SLC9B2: variants seen among roughly 807,000 people sequenced by gnomAD.
SLC9B2 encodes the protein solute carrier family 9 member B2.
Under a neutral mutation model 52.2 loss-of-function variants are expected in SLC9B2, and 39 were observed. The ratio of observed to expected loss-of-function variants is 0.75; its 90% CI spans 0.58 to 0.98. The LOEUF (loss-of-function observed/expected upper bound fraction) is 0.98. Among genes scored for constraint, SLC9B2 ranks in the 50% least tolerant of loss-of-function variants. The probability of loss-of-function intolerance (pLI) is 0.00; values close to 1 mark genes in which losing one functional copy is unlikely to be tolerated. For missense variants in SLC9B2, 626 were observed against 637.5 expected (o/e 0.98, Z 0.19); for synonymous variants, 214 against 227.0 (o/e 0.94, Z 0.51).
Position 103,034,114 on chromosome 4 carries a change from A to G in SLC9B2, c.1147-2306T>C, listed in dbSNP as rs184876747. 3.8e-3 allele frequency among the ~76,000 whole-genome samples: 579 copies of G among 152,248 alleles called. 10 individuals carry two copies. The highest frequency in any genetic ancestry group is 2.4e-3 in the Non-Finnish European group (164 of 68,006). ...TACTAGTACAAAAACAGACACATAG[A>G]CAAATAGAACAGGTTAGATAATCCA... On this transcript the variant is annotated intron_variant, in intron 9 of 11. Coordinates refer to ENST00000394785, the MANE Select transcript of SLC9B2 (RefSeq NM_178833.7).
chr4:103,074,093 A>T (rs188413698), intron 1 of SLC9B2, among the ~76,000 whole-genome samples: 2 of 152,154 alleles, frequency 1.3e-5, no homozygotes, highest in Non-Finnish European at 2.9e-5. Context: ...AGAGGAGGAA[A>T]ATCCTCTCCT....
intron 4 of SLC9B2, among the ~76,000 whole-genome samples, chr4:103,052,990 C>T (rs1218859819): frequency 6.6e-6 from 1 of 152,100 alleles, no homozygotes; most frequent in Non-Finnish European, 1.5e-5. Flanking sequence ...CCTCTAGGGC[C>T]TCCCCTGGTC....
intron 3 of SLC9B2, 149 bp downstream of exon 3, chr4:103,066,178 C>T: frequency 3.4e-6 from 3 of 876,182 alleles, no homozygotes; most frequent in African/African-American, 1.7e-5. Context: ...ATGTGTGGAG[C>T]AGAGCCACCC....
rs771964541 is a variant in SLC9B2, at chr4:103,045,008, A to G, written c.890-12T>C. The G allele has an allele frequency of 3.2e-6, 5 of 1,586,958 alleles. No homozygotes were observed. The highest frequency in any genetic ancestry group is 1.3e-5 in the African/African-American group (1 of 74,252). ...AAAGACAGTAGAGCCTGAAAAATATATTAAAAAAACTTAGAGCTCTAAATC... is the reference window on the plus strand; with the variant it reads ...AAAGACAGTAGAGCCTGAAAAATATGTTAAAAAAACTTAGAGCTCTAAATC... On this transcript the variant is annotated splice_polypyrimidine_tract_variant and intron_variant, in intron 7 of 11. Coordinates refer to ENST00000394785, the MANE Select transcript of SLC9B2 (RefSeq NM_178833.7).
chr4:103,073,163 AAATT>A (rs1205720793), intron 1 of SLC9B2, among the ~76,000 whole-genome samples: 3 of 152,228 alleles, frequency 2.0e-5, no homozygotes, highest in African/African-American at 4.8e-5. Context: ...GATTATTTAT[AAATT>A]AATTAGTTTG....
intron 3 of SLC9B2, among the ~76,000 whole-genome samples, chr4:103,061,906 A>C (rs1230993948): frequency 6.6e-6 from 1 of 152,012 alleles, no homozygotes; most frequent in African/African-American, 2.4e-5. Flanking sequence ...CTTTTTCTAA[A>C]CCCTCACAGA....
intron 10 of SLC9B2, among the ~76,000 whole-genome samples, chr4:103,029,329 T>C (rs753307329): frequency 6.6e-6 from 1 of 152,110 alleles, no homozygotes; most frequent in African/African-American, 2.4e-5. Flanking sequence ...TCATAGACTA[T>C]ACAGTAAGTG....
intron 8 of SLC9B2, among the ~76,000 whole-genome samples, chr4:103,044,432 G>T (rs1276485953): frequency 1.3e-5 from 2 of 152,148 alleles, no homozygotes; most frequent in Non-Finnish European, 2.9e-5. Context: ...GTATGTATTA[G>T]ATATGGGCTC....
chr4:103,077,246 T>A (rs1162773756), upstream of SLC9B2: 1 of 152,222 alleles, frequency 6.6e-6, no homozygotes, highest in East Asian at 1.9e-4. Context: ...AACCATTCAT[T>A]CTTGTCTCTC....
At position 103,026,545 on chromosome 4, in the gene SLC9B2, T is replaced by C; in HGVS notation, c.1439A>G (p.Glu480Gly). ...VALDTARSHGEKQLEDYGMDV... is the reference protein window; with the variant it reads ...VALDTARSHGGKQLEDYGMDV... ...CATTCCATAGTCTTCTAATTGTTTC[T>C]CTCCATGTGACCTTGCTGTGTCCAA... Residue 480 changes from glutamate (E) to glycine (G), a missense_variant, in exon 12 of 12, where the codon GAG becomes GGG. Glu to Gly is a moderately conservative substitution (Grantham distance 98). Coordinates refer to ENST00000394785, the MANE Select transcript of SLC9B2 (RefSeq NM_178833.7). The C allele has an allele frequency of 6.2e-7, 1 of 1,613,928 alleles. No individual in the cohort carries two copies. Among genetic ancestry groups the C allele is most frequent in the South Asian group, 1.1e-5 (1 of 91,070 alleles).
downstream of SLC9B2, chr4:103,019,534 C>T (rs1352112553): frequency 3.1e-6 from 3 of 972,990 alleles, no homozygotes; most frequent in African/African-American, 5.3e-5. Context: ...AGGAAACGAT[C>T]GCGGCAGACC....
At chr4:103,019,711 T>G (rs1426601022), downstream of SLC9B2, 2 of 985,482 alleles carry the variant, frequency 2.0e-6, no homozygotes, top group Non-Finnish European at 2.4e-6. Flanking sequence ...AAAGCCCGGA[T>G]AGACTTCCGC....
intron 3 of SLC9B2, among the ~76,000 whole-genome samples, chr4:103,063,041 C>A (rs1018422679): frequency 3.9e-5 from 6 of 152,216 alleles, no homozygotes; most frequent in African/African-American, 1.4e-4. Context: ...CCATGAACCT[C>A]ATTTTTCAGG....
At chr4:103,050,043 C>T (rs963565479) in intron 5 of SLC9B2, among the ~76,000 whole-genome samples, 197 bp downstream of exon 5, 2 of 151,656 alleles carry the variant, frequency 1.3e-5, no homozygotes, top group Non-Finnish European at 2.9e-5. Context: ...AAAATGAGAC[C>T]ACCTTTTGAG....
chr4:103,032,016 T>C (rs570270859), intron 9 of SLC9B2, among the ~76,000 whole-genome samples: 2 of 152,154 alleles, frequency 1.3e-5, no homozygotes, highest in Non-Finnish European at 2.9e-5. Flanking sequence ...TTTAGCATAC[T>C]AAATATTAGT....
At chr4:103,041,160 G>C (rs534796408) in intron 9 of SLC9B2, among the ~76,000 whole-genome samples, 1 of 152,010 alleles carries the variant, frequency 6.6e-6, no homozygotes, top group Admixed American at 6.6e-5. Flanking sequence ...ATCAATTTCT[G>C]ATCATTTCAG....
At chr4:103,043,523 A>C in intron 8 of SLC9B2, 78 bp from the exon 9 acceptor site, 1 of 1,300,950 alleles carries the variant, frequency 7.7e-7, no homozygotes, top group Non-Finnish European at 1.1e-6. Context: ...CATATCTAGG[A>C]TTTAGAAAGA....
At chr4:103,065,836 A>G (rs1746078419) in intron 3 of SLC9B2, 1 of 152,364 alleles carries the variant, frequency 6.6e-6, no homozygotes, top group African/African-American at 2.4e-5. Context: ...CCAAAGAAAA[A>G]TCCCCCAAAT....
chr4:103,027,387 A>T (rs573191348), intron 11 of SLC9B2, among the ~76,000 whole-genome samples: 1 of 152,336 alleles, frequency 6.6e-6, no homozygotes, highest in East Asian at 1.9e-4. Flanking sequence ...GTCATGAAAC[A>T]TGAAAATAGT....
Sources: gnomAD v4.1 joint callset for allele counts (sites outside exome capture counted in the v4.1 genomes callset) on GRCh38, gnomAD v4.1.1 for gene constraint, MANE v1.5 for transcripts, NCBI Gene and HGNC (gene_info 2026-07-23, HGNC 2026-07-21) for gene names.